CLEC16A: variants seen among roughly 807,000 people sequenced by gnomAD.
CLEC16A encodes the protein protein CLEC16A.
A neutral mutation model predicts 109.5 loss-of-function variants in CLEC16A; 51 were observed. That is an observed-to-expected ratio of 0.47 (90% confidence interval 0.37 to 0.59). CLEC16A has a LOEUF of 0.59. CLEC16A is among the 20% of genes least tolerant of loss of function. CLEC16A has a pLI of 0.00. For synonymous variants in CLEC16A, 673 were observed against 564.2 expected, an observed-to-expected ratio of 1.19 and a Z score of -2.73; for missense variants, 1,339 against 1,394.0, an observed-to-expected ratio of 0.96 and a Z score of 0.63.
intron 22 of CLEC16A, among the ~76,000 whole-genome samples, chr16:11,136,449 T>A (rs2053567297): frequency 6.6e-6 from 1 of 151,862 alleles, no homozygotes; most frequent in Non-Finnish European, 1.5e-5. Context: ...AAAGGTTAAC[T>A]GCTCTTGCCA....
chr16:11,033,478 A>C (rs2046860135), intron 13 of CLEC16A, among the ~76,000 whole-genome samples: 1 of 151,942 alleles, frequency 6.6e-6, no homozygotes, highest in Admixed American at 6.6e-5. Context: ...CTCGTGGGGG[A>C]GCTGCCACCT....
At chr16:11,143,318 C>T (rs1423996139) in intron 22 of CLEC16A, among the ~76,000 whole-genome samples, 1 of 152,162 alleles carries the variant, frequency 6.6e-6, no homozygotes, top group Non-Finnish European at 1.5e-5. Flanking sequence ...GATATCATGC[C>T]AGTCCTCGTT....
At chr16:11,105,635 CA>C (rs1398454446) in intron 19 of CLEC16A, among the ~76,000 whole-genome samples, 1 of 152,234 alleles carries the variant, frequency 6.6e-6, no homozygotes, top group Non-Finnish European at 1.5e-5. Context: ...CCTTTGGAAG[CA>C]GACAGAGCTG....
At chr16:11,080,352 A>G (rs1027873592) in intron 19 of CLEC16A, among the ~76,000 whole-genome samples, 2 of 152,212 alleles carry the variant, frequency 1.3e-5, no homozygotes, top group African/African-American at 4.8e-5. Flanking sequence ...GTGGGTAAAC[A>G]GGGACAAGAA....
At chr16:11,052,080 A>T (rs888560173) in intron 18 of CLEC16A, among the ~76,000 whole-genome samples, 13 of 152,192 alleles carry the variant, frequency 8.5e-5, no homozygotes, top group African/African-American at 2.4e-4. Context: ...CAGTCAAATT[A>T]AATGTGAATC....
rs546866259 is a variant in CLEC16A at position 11,101,810 on chromosome 16, C to CT, written c.2117-18795dup. 7.3e-3 allele frequency among the ~76,000 whole-genome samples: 1,070 copies of CT among 146,884 alleles called. 9 individuals are homozygous for CT. Among genetic ancestry groups the CT allele is most frequent in the Middle Eastern group, 0.021 (6 of 288 alleles). ...TCATTTTTTTCTTTTCTTTTCTTTTCTTTTTTTTTTGAAACAGGGTATCCT... is the reference window on the plus strand; with the variant it reads ...TCATTTTTTTCTTTTCTTTTCTTTTCTTTTTTTTTTTGAAACAGGGTATCCT... On this transcript the variant is annotated intron_variant, in intron 19 of 23. Coordinates refer to ENST00000409790, the MANE Select transcript of CLEC16A (RefSeq NM_015226.3).
chr16:11,033,403 G>T lies in CLEC16A; in HGVS notation c.1538-6351G>T, dbSNP rs115777295. ...CTAACAAGCATGGGCCTTGGAGTAG[G>T]TTTGGAGAAGAAACGGAAAAGTTCA... is the stretch of plus-strand genomic sequence containing the variant. On this transcript the variant is annotated intron_variant, in intron 13 of 23. Transcript: ENST00000409790. 5.5e-3 allele frequency among the ~76,000 whole-genome samples: 844 copies of T among 152,322 alleles called. 13 individuals carry two copies. The highest frequency in any genetic ancestry group is 0.019 in the African/African-American group (803 of 41,560).
intron 1 of CLEC16A, among the ~76,000 whole-genome samples, chr16:10,949,151 A>G (rs2041591924): frequency 6.6e-6 from 1 of 152,242 alleles, no homozygotes. Flanking sequence ...GAATGGATCC[A>G]TGGCAGGTAG....
intron 22 of CLEC16A, among the ~76,000 whole-genome samples, chr16:11,159,543 C>A (rs2153086992): frequency 6.6e-6 from 1 of 152,338 alleles, no homozygotes; most frequent in South Asian, 2.1e-4. Flanking sequence ...TGGAGTTTCA[C>A]CATTTAGAAA....
intron 11 of CLEC16A, among the ~76,000 whole-genome samples, chr16:11,019,769 CAA>C (rs59863035): frequency 1.1e-3 from 88 of 81,162 alleles, no homozygotes; most frequent in African/African-American, 1.2e-3. Flanking sequence ...GACTCTGTCT[CAA>C]AAAAAAAAAA....
At chr16:11,149,127 C>G (rs1172478947) in intron 22 of CLEC16A, among the ~76,000 whole-genome samples, 1 of 152,086 alleles carries the variant, frequency 6.6e-6, no homozygotes, top group Non-Finnish European at 1.5e-5. Context: ...AGGGGAGGGG[C>G]CAGGCTTCAC....
At chr16:11,153,190 G>T (rs2054364076) in intron 22 of CLEC16A, among the ~76,000 whole-genome samples, 1 of 152,128 alleles carries the variant, frequency 6.6e-6, no homozygotes, top group African/African-American at 2.4e-5. Context: ...TTCCTGGATG[G>T]GTTCTGTAAA....
intron 10 of CLEC16A, among the ~76,000 whole-genome samples, chr16:10,994,009 C>T (rs992399464): frequency 7.2e-5 from 11 of 152,352 alleles, no homozygotes; most frequent in African/African-American, 2.6e-4. Flanking sequence ...CTTGACGTTA[C>T]CTGCTCCTCA....
At chr16:11,144,428 A>G (rs573402288) in intron 22 of CLEC16A, among the ~76,000 whole-genome samples, 1 of 152,102 alleles carries the variant, frequency 6.6e-6, no homozygotes, top group African/African-American at 2.4e-5. Flanking sequence ...GGGACAGCCA[A>G]CTAGATGATC....
At chr16:11,037,401 C>T (rs958290152) in intron 13 of CLEC16A, among the ~76,000 whole-genome samples, 2 of 152,234 alleles carry the variant, frequency 1.3e-5, no homozygotes. Context: ...AAGGAAAAGG[C>T]TGGACTTGGA....
intron 6 of CLEC16A, 120 bp downstream of exon 6, chr16:10,972,679 C>T (rs1489029381): frequency 1.1e-6 from 1 of 934,110 alleles, no homozygotes; most frequent in African/African-American, 1.7e-5. Flanking sequence ...TAAGTAGGCT[C>T]TCCCATGCAC....
At position 11,020,069 on chromosome 16, in the gene CLEC16A, G is replaced by A. The variant is rs867207722; in HGVS notation, c.1304-124G>A. On this transcript the variant is annotated intron_variant, in intron 11 of 23. Coordinates refer to ENST00000409790, the MANE Select transcript of CLEC16A (RefSeq NM_015226.3). ...TGTCTCTGGTGTTCAGGTCGCTGCT[G>A]TCGGACATGTGCTTGATGTGTTTGG... 62 of 1,156,902 alleles carry A rather than the reference G, an allele frequency of 5.4e-5. No homozygotes were observed. In the Middle Eastern group the frequency reaches 4.6e-3, roughly 87 times the overall value. The allele number at this position is 1,156,902 out of a possible 1,614,324, so 71.7% of individuals were successfully genotyped here.
intron 10 of CLEC16A, among the ~76,000 whole-genome samples, chr16:10,997,533 C>T (rs888228411): frequency 1.3e-5 from 2 of 152,220 alleles, no homozygotes; most frequent in African/African-American, 2.4e-5. Flanking sequence ...AAAATTCACT[C>T]TCTTAACTAT....
At chr16:10,951,918 A>C (rs954967976) in intron 1 of CLEC16A, among the ~76,000 whole-genome samples, 1 of 152,236 alleles carries the variant, frequency 6.6e-6, no homozygotes, top group African/African-American at 2.4e-5. Flanking sequence ...TTGTCCTTTC[A>C]GTGTCATACT....
Sources: gnomAD v4.1 joint callset for allele counts (sites outside exome capture counted in the v4.1 genomes callset) on GRCh38, gnomAD v4.1.1 for gene constraint, MANE v1.5 for transcripts, NCBI Gene and HGNC (gene_info 2026-07-23, HGNC 2026-07-21) for gene names.